The following UBE2E3 variants were observed in gnomAD, a reference collection of about 807,000 sequenced individuals.
The protein encoded by UBE2E3 is ubiquitin conjugating enzyme E2 E3.
Under a neutral mutation model 23.6 loss-of-function variants are expected in UBE2E3, and 5 were observed. That is an observed-to-expected ratio of 0.21 (90% CI 0.11 to 0.44). The LOEUF (loss-of-function observed/expected upper bound fraction) is 0.44, where lower values mean the gene tolerates loss of function less well. Ranked by LOEUF, UBE2E3 falls within the 20% of genes least tolerant of loss-of-function variation. The pLI, the probability that UBE2E3 is intolerant of heterozygous loss-of-function variation, is 0.99. For missense variants in UBE2E3, 81 were observed against 249.8 expected, an observed-to-expected ratio of 0.32 and a Z score of 4.55; for synonymous variants, 78 against 87.5, an observed-to-expected ratio of 0.89 and a Z score of 0.60.
intron 3 of UBE2E3, among the ~76,000 whole-genome samples, chr2:181,010,522 T>G (rs551037021): frequency 6.6e-6 from 1 of 152,204 alleles, no homozygotes; most frequent in East Asian, 1.9e-4. Flanking sequence ...TTTGCATATT[T>G]ATAGATTCTG....
chr2:180,992,004 G>A (rs1330511086), intron 3 of UBE2E3, among the ~76,000 whole-genome samples: 4 of 152,312 alleles, frequency 2.6e-5, no homozygotes, highest in African/African-American at 9.6e-5. Flanking sequence ...TGCTACTTCT[G>A]TTACGTGACC....
At chr2:181,062,605 CT>C in intron 5 of UBE2E3, among the ~76,000 whole-genome samples, 185 bp from the exon 6 acceptor site, 1 of 150,660 alleles carries the variant, frequency 6.6e-6, no homozygotes, top group South Asian at 2.1e-4. Context: ...ATGAAGGGGA[CT>C]TTCCTAACTG....
chr2:181,043,660 A>G (rs550883309), intron 3 of UBE2E3, among the ~76,000 whole-genome samples: 4 of 152,142 alleles, frequency 2.6e-5, no homozygotes, highest in Non-Finnish European at 5.9e-5. Flanking sequence ...GTAAAATATA[A>G]TAATTAACGA....
At chr2:180,981,963 G>A (rs891664582) in intron 1 of UBE2E3, 55 bp from the exon 2 acceptor site, 38 of 1,315,640 alleles carry the variant, frequency 2.9e-5, no homozygotes, top group Non-Finnish European at 3.8e-5. Flanking sequence ...AATGCTGTTG[G>A]TTTATTTCCT....
intron 3 of UBE2E3, among the ~76,000 whole-genome samples, chr2:180,997,037 A>T (rs937892047): frequency 1.6e-4 from 23 of 147,158 alleles, no homozygotes; most frequent in African/African-American, 4.2e-4. Context: ...TTATTAATGA[A>T]TTTTTTTTTT....
rs115686291 is a variant in UBE2E3 at position 181,002,247 on chromosome 2, C to T, written c.245+18154C>T. Among the ~76,000 whole-genome samples, 1,280 of 152,194 alleles carry T rather than the reference C, an allele frequency of 8.4e-3. 13 individuals carry two copies. Among genetic ancestry groups the T allele is most frequent in the African/African-American group, 0.029 (1,198 of 41,518 alleles). On this transcript the variant is annotated intron_variant, in intron 3 of 5. Coordinates refer to ENST00000410062, the MANE Select transcript of UBE2E3 (RefSeq NM_006357.4). ...TGTTGGCTGCATAAGAGTACTAGTA[C>T]ACAATTAACAATATAATGCCCTTTG...
chr2:181,043,112 C>G (rs974934453), intron 3 of UBE2E3, among the ~76,000 whole-genome samples: 1 of 152,144 alleles, frequency 6.6e-6, no homozygotes, highest in Admixed American at 6.5e-5. Context: ...AAGTATATAA[C>G]AGGTTGAGCA....
At chr2:181,044,104 G>A (rs549213082) in intron 3 of UBE2E3, among the ~76,000 whole-genome samples, 25 of 152,086 alleles carry the variant, frequency 1.6e-4, no homozygotes, top group Non-Finnish European at 2.8e-4. Context: ...TTTCTCCTCC[G>A]ATCTAGTGGT....
chr2:180,987,304 T>A, intron 3 of UBE2E3: 1 of 1,548,218 alleles, frequency 6.5e-7, no homozygotes, highest in Non-Finnish European at 8.7e-7. Flanking sequence ...TAGTGATGTG[T>A]TATTAAGACA....
intron 3 of UBE2E3, among the ~76,000 whole-genome samples, chr2:181,054,872 G>C (rs184960377): frequency 5.3e-5 from 8 of 151,822 alleles, no homozygotes; most frequent in Admixed American, 4.6e-4. Flanking sequence ...TAAAGCTTAG[G>C]GTGATAAGGA....
intron 5 of UBE2E3, 45 bp downstream of exon 5, chr2:181,060,857 A>C (rs1687129187): frequency 5.6e-6 from 3 of 533,936 alleles, no homozygotes; most frequent in Non-Finnish European, 8.2e-6. Context: ...TACAAAAACG[A>C]GTGCTTTTTT....
intron 3 of UBE2E3, among the ~76,000 whole-genome samples, chr2:181,028,213 T>C (rs930955829): frequency 2.6e-5 from 4 of 152,114 alleles, no homozygotes; most frequent in African/African-American, 7.2e-5. Flanking sequence ...TAAATCTTGT[T>C]TTAAGATTTA....
At chr2:181,028,985 G>A (rs997879846) in intron 3 of UBE2E3, among the ~76,000 whole-genome samples, 4 of 151,966 alleles carry the variant, frequency 2.6e-5, no homozygotes, top group Non-Finnish European at 5.9e-5. Flanking sequence ...TGCCCTTAGT[G>A]TTCCAAATTT....
At chr2:181,014,262 G>C (rs1479086216) in intron 3 of UBE2E3, among the ~76,000 whole-genome samples, 1 of 152,170 alleles carries the variant, frequency 6.6e-6, no homozygotes, top group African/African-American at 2.4e-5. Flanking sequence ...TCTGAACAAA[G>C]TGAGTTTGAG....
intron 3 of UBE2E3, among the ~76,000 whole-genome samples, chr2:181,000,259 A>G (rs1684951337): frequency 6.6e-6 from 1 of 152,232 alleles, no homozygotes; most frequent in East Asian, 1.9e-4. Context: ...AAGATTATTA[A>G]GTGACATTGG....
At chr2:181,023,102 G>A (rs1052057269) in intron 3 of UBE2E3, among the ~76,000 whole-genome samples, 3 of 152,242 alleles carry the variant, frequency 2.0e-5, no homozygotes, top group African/African-American at 7.2e-5. Flanking sequence ...TGAGTAAGTT[G>A]TGAGGAGTTC....
intron 3 of UBE2E3, among the ~76,000 whole-genome samples, chr2:181,028,512 C>T (rs1365010215): frequency 3.9e-5 from 6 of 152,064 alleles, no homozygotes; most frequent in Non-Finnish European, 1.5e-5. Flanking sequence ...TACACATTTC[C>T]ACCAGCAAAG....
chr2:181,004,147 TTTCTC>T (rs1163979883), intron 3 of UBE2E3, among the ~76,000 whole-genome samples: 3 of 152,224 alleles, frequency 2.0e-5, no homozygotes, highest in Non-Finnish European at 2.9e-5. Flanking sequence ...ATACTTTGCT[TTTCTC>T]TTCACTTTCT....
chr2:180,981,017 C>T (rs968487354), intron 1 of UBE2E3, 44 bp downstream of exon 1: 1 of 145,992 alleles, frequency 6.8e-6, no homozygotes, highest in Non-Finnish European at 1.5e-5. Context: ...GCGGCCGGGG[C>T]GGCGGCGGCG....
Sources: allele counts gnomAD v4.1 joint callset (sites outside exome capture counted in the v4.1 genomes callset), GRCh38; gene constraint gnomAD v4.1.1; transcripts MANE v1.5; gene names NCBI Gene and HGNC (gene_info 2026-07-23, HGNC 2026-07-21).